The following RDH10 variants were observed in gnomAD, a reference collection of about 807,000 sequenced individuals.
RDH10 encodes the protein retinol dehydrogenase 10 (all-trans).
A neutral mutation model predicts 30.2 loss-of-function variants in RDH10; 12 were observed. The observed-to-expected ratio is 0.40, with a 90% CI of 0.25 to 0.64. The LOEUF (loss-of-function observed/expected upper bound fraction) is 0.64, where lower values mean the gene tolerates loss of function less well. Among genes scored for constraint, RDH10 ranks in the 30% least tolerant of loss-of-function variants. RDH10 has a pLI of 0.43. For missense variants in RDH10, 268 were observed against 445.2 expected (o/e 0.60, Z 3.58); for synonymous variants, 189 against 172.2 (o/e 1.10, Z -0.76).
Position 73,318,183 on chromosome 8 carries a change from G to A in RDH10, c.526-913G>A, listed in dbSNP as rs1814706989. On this transcript the variant is annotated intron_variant, in intron 2 of 5. Coordinates refer to ENST00000240285, the MANE Select transcript of RDH10 (RefSeq NM_172037.5). The stretch of plus-strand genomic sequence containing the variant: ...GTTATAAAACTGTTGGGAGCCTGGT[G>A]GAGTAGTTAATAGATCATCGTAAGC... Among the ~76,000 whole-genome samples, 3 of 152,122 alleles carry A rather than the reference G, an allele frequency of 2.0e-5. No individual in the cohort carries two copies. The South Asian group carries it at 6.2e-4, about 32-fold the overall frequency.
In RDH10 at chr8:73,324,186, G is replaced by C. The variant is rs113830159; in HGVS notation, c.*1150G>C. 1,338 of 152,700 alleles carry C rather than the reference G, an allele frequency of 8.8e-3. 10 individuals are homozygous for C. The highest frequency in any genetic ancestry group is 0.017 in the Middle Eastern group (5 of 294). 9.5% of individuals were successfully genotyped at this position (152,700 alleles called of 1,614,324 possible). A position where few individuals can be genotyped will look rare whatever the true frequency, so the allele number is the denominator to read the frequency against. On this transcript the variant is annotated 3_prime_UTR_variant, in exon 6 of 6. Coordinates refer to ENST00000240285, the MANE Select transcript of RDH10 (RefSeq NM_172037.5). ...TACATTGAAAAGTCCCCATTTTTGT[G>C]CCAACTATGATTAGTGAGAGGAAGA...
At position 73,321,015 on chromosome 8, in the gene RDH10, T is replaced by C. The variant is rs533546900; in HGVS notation, c.708T>C (p.Ile236=). 9.2e-5 allele frequency: 148 copies of C among 1,614,108 alleles called. 2 individuals are homozygous for C. In the Middle Eastern group the frequency reaches 1.5e-3, roughly 16 times the overall value. ...HELKAAEKDG[I]KTTLVCPYLV... ...TAAAGGCTGCTGAAAAGGATGGAAT[T>C]AAAACAACCTTGGTTTGCCCTTATC... is the stretch of plus-strand genomic sequence containing the variant. Residue 236 remains isoleucine, a synonymous_variant, in exon 4 of 6, where the codon ATT becomes ATC. Transcript: ENST00000240285.
At chr8:73,296,052 G>A (rs1453552323) in intron 1 of RDH10, among the ~76,000 whole-genome samples, 1 of 152,146 alleles carries the variant, frequency 6.6e-6, no homozygotes, top group African/African-American at 2.4e-5. Flanking sequence ...TTAGCCTGAG[G>A]AACATAATTA....
In RDH10 at chr8:73,323,201, T is replaced by G. The variant is rs1220405230; in HGVS notation, c.*165T>G. ...GTGTAAATTAACCGACTAGAGTACT[T>G]GGAAAATGTGATCAGTACAAGTGAA... is the stretch of plus-strand genomic sequence containing the variant. On this transcript the variant is annotated 3_prime_UTR_variant, in exon 6 of 6. Coordinates refer to ENST00000240285, the MANE Select transcript of RDH10 (RefSeq NM_172037.5). The G allele has an allele frequency of 1.7e-6, 1 of 588,694 alleles. No individual in the cohort carries two copies. Among genetic ancestry groups the G allele is most frequent in the African/African-American group, 1.9e-5 (1 of 53,542 alleles). 36.5% of individuals were successfully genotyped at this position (588,694 alleles called of 1,614,324 possible). A position where few individuals can be genotyped will look rare whatever the true frequency, so the allele number is the denominator to read the frequency against.
intron 2 of RDH10, among the ~76,000 whole-genome samples, chr8:73,304,594 C>A (rs550294919): frequency 1.3e-5 from 2 of 152,298 alleles, no homozygotes; most frequent in South Asian, 4.1e-4. Flanking sequence ...ACCTGCTTTT[C>A]CAGGTCAGCA....
rs1371851413 is a variant in RDH10, at chr8:73,297,184, C to T, written c.290-10C>T. On this transcript the variant is annotated splice_polypyrimidine_tract_variant and intron_variant, in intron 1 of 5. Coordinates refer to ENST00000240285, the MANE Select transcript of RDH10 (RefSeq NM_172037.5). ...GCATGTTTTCTCCTCATCTGGACTTCTGAGGACAGCTGGGAATGGTGAGGA... is the reference window on the plus strand; with the variant it reads ...GCATGTTTTCTCCTCATCTGGACTTTTGAGGACAGCTGGGAATGGTGAGGA... 1 of 1,545,650 alleles carries T rather than the reference C, an allele frequency of 6.5e-7. No individual in the cohort carries two copies. The highest frequency in any genetic ancestry group is 1.7e-4 in the Middle Eastern group (1 of 5,938).
rs1305830326 is a variant in RDH10, at chr8:73,325,188, C to A, written c.*2152C>A. ...AGTCGTCTTTACATCTAATTTTATT[C>A]TTGTGTGTTATAACTTAAACCTATT... On this transcript the variant is annotated 3_prime_UTR_variant, in exon 6 of 6. Transcript: ENST00000240285. 6 of 152,174 alleles carry A rather than the reference C, an allele frequency of 3.9e-5. No individual in the cohort carries two copies. The highest frequency in any genetic ancestry group is 5.9e-5 in the Non-Finnish European group (4 of 68,012). 9.4% of individuals were successfully genotyped at this position (152,174 alleles called of 1,614,324 possible).
At chr8:73,301,319 G>A (rs909791113) in intron 2 of RDH10, among the ~76,000 whole-genome samples, 1 of 150,402 alleles carries the variant, frequency 6.6e-6, no homozygotes, top group African/African-American at 2.4e-5. Flanking sequence ...CAAAGTGCTG[G>A]GATTACAGGC....
chr8:73,315,850 C>G (rs934542261), intron 2 of RDH10, among the ~76,000 whole-genome samples: 1 of 152,156 alleles, frequency 6.6e-6, no homozygotes, highest in African/African-American at 2.4e-5. Flanking sequence ...AACTAAGACC[C>G]TTTATGTTAA....
At chr8:73,320,477 T>TTTTG (rs1485812759) in intron 3 of RDH10, among the ~76,000 whole-genome samples, 11 of 57,558 alleles carry the variant, frequency 1.9e-4, no homozygotes, top group East Asian at 1.3e-3. Flanking sequence ...TTGTTTTTGT[T>TTTTG]TTTTTTTTTT....
chr8:73,312,243 G>A (rs1563549949), intron 2 of RDH10: 2 of 152,196 alleles, frequency 1.3e-5, no homozygotes. Flanking sequence ...CCCTGTGGAA[G>A]TCAATGTCTA....
intron 4 of RDH10, 70 bp from the exon 5 acceptor site, chr8:73,322,609 T>G: frequency 7.9e-7 from 1 of 1,265,106 alleles, no homozygotes; most frequent in Non-Finnish European, 1.1e-6. Flanking sequence ...CTGTTAATGT[T>G]TTGATATGTA....
At chr8:73,302,459 G>T (rs992342933) in intron 2 of RDH10, among the ~76,000 whole-genome samples, 4 of 152,194 alleles carry the variant, frequency 2.6e-5, no homozygotes, top group African/African-American at 4.8e-5. Flanking sequence ...GCCGAGGAGG[G>T]TGGATTGCTT....
At chr8:73,315,751 TAGC>T (rs1038585226) in intron 2 of RDH10, 14 of 272,734 alleles carry the variant, frequency 5.1e-5, no homozygotes, top group African/African-American at 2.2e-4. Context: ...GGTAACCAAG[TAGC>T]AGGTTCTGAT....
At position 73,315,627 on chromosome 8, in the gene RDH10, G is replaced by A. The variant is rs370999025; in HGVS notation, c.526-3469G>A. ...ATACCTGCAGGCAAGACCAGAGCAC[G>A]TGAATACAGGGAAGTCATTACAGCC... On this transcript the variant is annotated intron_variant, in intron 2 of 5. Coordinates refer to ENST00000240285, the MANE Select transcript of RDH10 (RefSeq NM_172037.5). 5.5e-5 allele frequency: 25 copies of A among 455,052 alleles called. No homozygotes were observed. The East Asian group carries it at 1.0e-3, about 19-fold the overall frequency. The allele number at this position is 455,052 out of a possible 1,614,324, so 28.2% of individuals were successfully genotyped here. A position where few individuals can be genotyped will look rare whatever the true frequency, so the allele number is the denominator to read the frequency against.
chr8:73,311,749 A>G (rs559115993), intron 2 of RDH10: 2 of 152,362 alleles, frequency 1.3e-5, no homozygotes, highest in Admixed American at 1.3e-4. Context: ...GATAGAAATT[A>G]AGATGAACAT....
chr8:73,302,828 T>A (rs1363579444), intron 2 of RDH10, among the ~76,000 whole-genome samples: 2 of 152,376 alleles, frequency 1.3e-5, no homozygotes, highest in East Asian at 3.9e-4. Flanking sequence ...TAGCTTGCTA[T>A]TTCTAAAAGC....
intron 2 of RDH10, among the ~76,000 whole-genome samples, chr8:73,302,646 C>G (rs1326485877): frequency 6.6e-6 from 1 of 152,196 alleles, no homozygotes; most frequent in African/African-American, 2.4e-5. Flanking sequence ...GATCGCAACA[C>G]TGCACTCCAG....
chr8:73,319,221 C>G (rs763192142), intron 3 of RDH10, 27 bp downstream of exon 3: 5 of 1,485,992 alleles, frequency 3.4e-6, no homozygotes, highest in Non-Finnish European at 3.8e-6. Flanking sequence ...GCATTTCTTT[C>G]GTTCAATCTG....
Sources: gnomAD v4.1 joint callset for allele counts (sites outside exome capture counted in the v4.1 genomes callset) on GRCh38, gnomAD v4.1.1 for gene constraint, MANE v1.5 for transcripts, NCBI Gene and HGNC (gene_info 2026-07-23, HGNC 2026-07-21) for gene names.